SLC12A7: variants seen among roughly 807,000 people sequenced by gnomAD.
SLC12A7 encodes the protein solute carrier family 12 member 7, also known as K-Cl cotransporter 4.
A neutral mutation model predicts 120.6 loss-of-function variants in SLC12A7; 100 were observed. The ratio of observed to expected loss-of-function variants is 0.83; its 90% CI spans 0.71 to 0.98. SLC12A7 has a LOEUF of 0.98. SLC12A7 is among the 50% of genes least tolerant of loss of function. The pLI is 0.00. For synonymous variants in SLC12A7, 760 were observed against 678.0 expected (o/e 1.12, Z -1.88); for missense variants, 1,373 against 1,548.1 (o/e 0.89, Z 1.90).
intron 3 of SLC12A7, 141 bp downstream of exon 3, chr5:1,093,392 C>T (rs1343707505): frequency 3.5e-6 from 3 of 852,454 alleles, no homozygotes; most frequent in African/African-American, 3.3e-5. Context: ...TCGAGCCCTC[C>T]CAGGAAGAAA....
At chr5:1,083,621 G>A (rs1454983695) in intron 8 of SLC12A7, 124 bp downstream of exon 8, 7 of 988,096 alleles carry the variant, frequency 7.1e-6, no homozygotes, top group Non-Finnish European at 1.1e-5. Flanking sequence ...CAGCTGGGAA[G>A]GGGCTCGGCC....
At chr5:1,127,413 C>T in the SLC12A7 span, among the ~76,000 whole-genome samples, 4 of 152,212 alleles carry the variant, frequency 2.6e-5, no homozygotes, top group Non-Finnish European at 5.9e-5. Flanking sequence ...GGGCCACAGA[C>T]CCAGGGATGC....
the SLC12A7 span, among the ~76,000 whole-genome samples, chr5:1,126,692 T>C: frequency 6.6e-6 from 1 of 152,212 alleles, no homozygotes; most frequent in Admixed American, 6.5e-5. Context: ...TATGTGTCCA[T>C]GCGTTCTCAT....
chr5:1,136,580 A>G, the SLC12A7 span, among the ~76,000 whole-genome samples: 34 of 107,632 alleles, frequency 3.2e-4, no homozygotes, highest in South Asian at 7.4e-4. Context: ...AGGCACACAT[A>G]TGCTCAGACA....
At chr5:1,064,794 G>A (rs375916235) in intron 18 of SLC12A7, among the ~76,000 whole-genome samples, 26 of 147,770 alleles carry the variant, frequency 1.8e-4, no homozygotes, top group African/African-American at 4.5e-4. Flanking sequence ...AGGGGACAGC[G>A]AGGAGACGGC....
At chr5:1,062,137 G>C (rs1158627566) in intron 20 of SLC12A7, among the ~76,000 whole-genome samples, 1 of 152,138 alleles carries the variant, frequency 6.6e-6, no homozygotes, top group Non-Finnish European at 1.5e-5. Flanking sequence ...CCCTGCTCAG[G>C]AGCTGGGGAG....
Position 1,053,341 on chromosome 5 carries a change from A to G in SLC12A7, c.3160+8T>C. ...CACGCTCAGCAGGCACACTGCAAGA[A>G]AGGATACAGTTCTCGTCTCCCTGCC... On this transcript the variant is annotated splice_region_variant and intron_variant, in intron 23 of 23. Transcript: ENST00000264930. 6.2e-7 allele frequency: 1 copy of G among 1,613,380 alleles called. No homozygotes were observed. Among genetic ancestry groups the G allele is most frequent in the East Asian group, 2.2e-5 (1 of 44,876 alleles).
the SLC12A7 span, among the ~76,000 whole-genome samples, chr5:1,125,796 G>A: frequency 1.5e-4 from 23 of 151,950 alleles, no homozygotes; most frequent in Non-Finnish European, 2.9e-4. Context: ...ATGGTGGCAT[G>A]TGCCTGTAAT....
chr5:1,149,769 C>T, the SLC12A7 span, among the ~76,000 whole-genome samples: 4 of 151,996 alleles, frequency 2.6e-5, no homozygotes, highest in African/African-American at 9.7e-5. Context: ...TGGTTCACAT[C>T]TGTTATCCCA....
At chr5:1,115,513 G>T (rs1743279810), upstream of SLC12A7, among the ~76,000 whole-genome samples, 1 of 152,206 alleles carries the variant, frequency 6.6e-6, no homozygotes, top group South Asian at 2.1e-4. Flanking sequence ...TGTTAGGGTG[G>T]GGGGCTCATC....
intron 4 of SLC12A7, 92 bp from the exon 5 acceptor site, chr5:1,088,452 C>G: frequency 7.4e-7 from 1 of 1,355,292 alleles, no homozygotes; most frequent in Non-Finnish European, 1.0e-6. Flanking sequence ...ACCCGGCTCC[C>G]GCCGAATGCC....
At chr5:1,111,243 C>A (rs981245274) in intron 1 of SLC12A7, among the ~76,000 whole-genome samples, 4 of 152,164 alleles carry the variant, frequency 2.6e-5, no homozygotes, top group African/African-American at 7.2e-5. Flanking sequence ...CGTCCCCACC[C>A]CCTAGAGAAA....
At chr5:1,116,622 C>T (rs1039797741), upstream of SLC12A7, among the ~76,000 whole-genome samples, 3 of 152,262 alleles carry the variant, frequency 2.0e-5, no homozygotes, top group Admixed American at 6.5e-5. Context: ...CCGACACACT[C>T]TTCCCCTCAC....
intron 20 of SLC12A7, among the ~76,000 whole-genome samples, chr5:1,061,799 GAA>G (rs36074518): frequency 2.8e-5 from 2 of 70,782 alleles, no homozygotes; most frequent in Admixed American, 1.4e-4. Context: ...AAAATACAAA[GAA>G]AAAAAAAAAA....
At position 1,053,349 on chromosome 5, in the gene SLC12A7, A is replaced by T. The variant is rs1429540824; in HGVS notation, c.3160T>A (p.Tyr1054Asn). 6.2e-7 allele frequency: 1 copy of T among 1,613,708 alleles called. No individual in the cohort carries two copies. The highest frequency in any genetic ancestry group is 8.5e-7 in the Non-Finnish European group (1 of 1,179,894). Residue 1054 changes from tyrosine (Y) to asparagine (N), a missense_variant and splice_region_variant, in exon 23 of 24, where the codon TAC (tyrosine) becomes AAC (asparagine). Coordinates refer to ENST00000264930, the MANE Select transcript of SLC12A7 (RefSeq NM_006598.3). ...GCAGGCACACTGCAAGAAAGGATAC[A>T]GTTCTCGTCTCCCTGCCGGTTTTTG... ...PPKNRQGDENYMEFLEVLTEG... is the reference protein window; with the variant it reads ...PPKNRQGDENNMEFLEVLTEG...
intron 20 of SLC12A7, among the ~76,000 whole-genome samples, chr5:1,061,956 C>T (rs1736340138): frequency 6.6e-6 from 1 of 152,172 alleles, no homozygotes; most frequent in Admixed American, 6.5e-5. Flanking sequence ...AAAAAATAAA[C>T]AGCATGCCAG....
At chr5:1,119,246 G>C in the SLC12A7 span, among the ~76,000 whole-genome samples, 1 of 152,222 alleles carries the variant, frequency 6.6e-6, no homozygotes, top group Non-Finnish European at 1.5e-5. Context: ...TAAACATTCA[G>C]CTGGGAACCT....
chr5:1,084,209 CA>C lies in SLC12A7; in HGVS notation c.918-254del, dbSNP rs1739553424. On this transcript the variant is annotated intron_variant, in intron 7 of 23. Coordinates refer to ENST00000264930, the MANE Select transcript of SLC12A7 (RefSeq NM_006598.3). ...AGGGACCGGGGACCAGGCCAGGCTG[CA>C]GCAGGAACGCTGTACTGTACAGCCG... Among the ~76,000 whole-genome samples, 4 of 151,332 alleles carry C rather than the reference CA, an allele frequency of 2.6e-5. 1 individual carries two copies. In the South Asian group the frequency reaches 8.3e-4, roughly 31 times the overall value.
upstream of SLC12A7, among the ~76,000 whole-genome samples, chr5:1,114,068 G>C (rs1743219911): frequency 6.6e-6 from 1 of 152,238 alleles, no homozygotes; most frequent in Non-Finnish European, 1.5e-5. Context: ...AGGGTCTGTG[G>C]CCAGGGCCAG....
Sources: gnomAD v4.1 joint callset for allele counts (sites outside exome capture counted in the v4.1 genomes callset) on GRCh38, gnomAD v4.1.1 for gene constraint, MANE v1.5 for transcripts, NCBI Gene and HGNC (gene_info 2026-07-23, HGNC 2026-07-21) for gene names.